Variants in PARP8 observed in about 807,000 individuals in gnomAD.
PARP8 encodes the protein poly(ADP-ribose) polymerase family member 8, also known as protein mono-ADP-ribosyltransferase PARP8.
PARP8 carries 51 observed loss-of-function variants against 124.1 expected under a neutral mutation model. The ratio of observed to expected loss-of-function variants is 0.41; its 90% CI spans 0.33 to 0.52. The LOEUF (loss-of-function observed/expected upper bound fraction) is 0.52. PARP8 is among the 20% of genes least tolerant of loss of function. PARP8 has a pLI of 0.21. For synonymous variants in PARP8, 391 were observed against 361.5 expected, an observed-to-expected ratio of 1.08 and a Z score of -0.93; for missense variants, 860 against 1,018.9, an observed-to-expected ratio of 0.84 and a Z score of 2.12.
At chr5:50,777,309 A>G (rs1740143801) in intron 7 of PARP8, among the ~76,000 whole-genome samples, 2 of 152,158 alleles carry the variant, frequency 1.3e-5, no homozygotes, top group Admixed American at 6.5e-5. Flanking sequence ...TTGGTCATTA[A>G]CTTTTATCAT....
At chr5:50,725,117 T>C (rs1756295968) in intron 2 of PARP8, among the ~76,000 whole-genome samples, 1 of 151,066 alleles carries the variant, frequency 6.6e-6, no homozygotes, top group African/African-American at 2.4e-5. Flanking sequence ...GTATACTATA[T>C]ATGTATAGAT....
At chr5:50,741,849 T>C (rs1363885746) in intron 2 of PARP8, 2 of 440,298 alleles carry the variant, frequency 4.5e-6, no homozygotes, top group Admixed American at 5.1e-5. Context: ...TCATTCTTGT[T>C]GCCCAGGCCG....
upstream of PARP8, chr5:50,665,939 C>T (rs1355928535): frequency 6.6e-6 from 1 of 152,234 alleles, no homozygotes; most frequent in Non-Finnish European, 1.5e-5. Context: ...TTGTAGCTTT[C>T]CCTTGACTGT....
At chr5:50,667,492 C>T (rs1561216327) in intron 1 of PARP8, 1 of 698,508 alleles carries the variant, frequency 1.4e-6, no homozygotes. Flanking sequence ...TGCCCGAAGC[C>T]TCCAAGCACG....
intron 15 of PARP8, among the ~76,000 whole-genome samples, chr5:50,818,808 C>T (rs1446568738): frequency 2.0e-5 from 3 of 152,188 alleles, no homozygotes; most frequent in Non-Finnish European, 4.4e-5. Flanking sequence ...GCTTCTGTAA[C>T]AGATAAACCA....
chr5:50,694,821 A>C (rs1752849895), intron 2 of PARP8, among the ~76,000 whole-genome samples: 1 of 152,206 alleles, frequency 6.6e-6, no homozygotes, highest in South Asian at 2.1e-4. Flanking sequence ...GGAAGCCAAC[A>C]GTGCAGCCTT....
chr5:50,827,410 G>T (rs1215671501), intron 19 of PARP8, among the ~76,000 whole-genome samples: 1 of 152,042 alleles, frequency 6.6e-6, no homozygotes, highest in Admixed American at 6.6e-5. Context: ...TAATCCAAAA[G>T]ATTCTGCTTT....
intron 3 of PARP8, among the ~76,000 whole-genome samples, chr5:50,753,389 C>T (rs1332359581): frequency 6.6e-6 from 1 of 151,980 alleles, no homozygotes; most frequent in Non-Finnish European, 1.5e-5. Flanking sequence ...GTGAATAAAC[C>T]TCTTAAGTGA....
chr5:50,785,703 A>G (rs1242737149), intron 9 of PARP8, among the ~76,000 whole-genome samples: 2 of 152,166 alleles, frequency 1.3e-5, no homozygotes, highest in Admixed American at 1.3e-4. Context: ...GAAACGAACT[A>G]ATTTTTTGGG....
chr5:50,815,182 G>A (rs920858965), intron 14 of PARP8, among the ~76,000 whole-genome samples: 1 of 151,956 alleles, frequency 6.6e-6, no homozygotes, highest in Admixed American at 6.6e-5. Context: ...CTGCTAAATT[G>A]TTCTGAGTGT....
rs1216779042 is a variant in PARP8 at position 50,740,990 on chromosome 5, ATAGAGT to A, written c.147-9158_147-9153del. Among the ~76,000 whole-genome samples the A allele has an allele frequency of 1.3e-4, 20 of 152,156 alleles. No homozygotes were observed. The East Asian group carries it at 3.8e-3, about 29-fold the overall frequency. ...TCCATGACAAAGCCTTAATTGAGCTATAGAGTTATTCAGTCGTATTTAGTTTTTCCG... is the reference window on the plus strand; with the variant it reads ...TCCATGACAAAGCCTTAATTGAGCTATATTCAGTCGTATTTAGTTTTTCCG... On this transcript the variant is annotated intron_variant, in intron 2 of 25. Coordinates refer to ENST00000281631, the MANE Select transcript of PARP8 (RefSeq NM_024615.4).
chr5:50,722,155 T>C (rs1028212496), intron 2 of PARP8, among the ~76,000 whole-genome samples: 3 of 152,156 alleles, frequency 2.0e-5, no homozygotes, highest in African/African-American at 7.2e-5. Flanking sequence ...GAGAAAGTTT[T>C]AAGGCTTATG....
intron 2 of PARP8, among the ~76,000 whole-genome samples, chr5:50,722,175 T>C (rs748133818): frequency 2.0e-5 from 3 of 152,138 alleles, no homozygotes; most frequent in African/African-American, 4.8e-5. Flanking sequence ...GGAGATCTGC[T>C]TTAAAATTAT....
intron 2 of PARP8, among the ~76,000 whole-genome samples, chr5:50,722,496 C>T (rs1377163535): frequency 6.6e-6 from 1 of 151,968 alleles, no homozygotes; most frequent in African/African-American, 2.4e-5. Context: ...AGCTGAGTCC[C>T]CCACTCTTCC....
intron 15 of PARP8, among the ~76,000 whole-genome samples, chr5:50,817,915 A>G (rs1478785925): frequency 2.0e-5 from 3 of 152,122 alleles, no homozygotes; most frequent in African/African-American, 7.2e-5. Flanking sequence ...CTTTGGAGGC[A>G]CCTGATTCTG....
At chr5:50,815,300 A>C (rs1271070646) in intron 14 of PARP8, 132 bp from the exon 15 acceptor site, 3 of 572,252 alleles carry the variant, frequency 5.2e-6, no homozygotes, top group Non-Finnish European at 8.8e-6. Flanking sequence ...TTCGTATTAA[A>C]ATGGTATGAT....
chr5:50,840,771 A>G (rs1233347614), intron 25 of PARP8, among the ~76,000 whole-genome samples: 1 of 151,926 alleles, frequency 6.6e-6, no homozygotes, highest in Non-Finnish European at 1.5e-5. Flanking sequence ...TCTCAGTAAC[A>G]GAGCACTTAC....
chr5:50,761,060 A>AT (rs1466500269), intron 5 of PARP8, among the ~76,000 whole-genome samples: 6 of 151,994 alleles, frequency 3.9e-5, no homozygotes, highest in Admixed American at 2.0e-4. Flanking sequence ...CCTTTTGCAT[A>AT]TTTTTTTGTT....
At chr5:50,669,903 A>C (rs1055517090) in intron 2 of PARP8, among the ~76,000 whole-genome samples, 1 of 152,210 alleles carries the variant, frequency 6.6e-6, no homozygotes, top group African/African-American at 2.4e-5. Flanking sequence ...TTTTATATCT[A>C]ATCTAATGTA....
Sources: gnomAD v4.1 joint callset for allele counts (sites outside exome capture counted in the v4.1 genomes callset) on GRCh38, gnomAD v4.1.1 for gene constraint, MANE v1.5 for transcripts, NCBI Gene and HGNC (gene_info 2026-07-23, HGNC 2026-07-21) for gene names.